The following LIMS1 variants were observed in gnomAD, a reference collection of about 807,000 sequenced individuals.
LIMS1 encodes LIM zinc finger domain containing 1.
LIMS1 carries 18 observed loss-of-function variants against 44.1 expected under a neutral mutation model. The ratio of observed to expected loss-of-function variants is 0.41; its 90% CI spans 0.28 to 0.61. The LOEUF (loss-of-function observed/expected upper bound fraction) is 0.61. Among genes scored for constraint, LIMS1 ranks in the 20% least tolerant of loss-of-function variants. The probability of loss-of-function intolerance (pLI) is 0.32; values close to 1 mark genes in which losing one functional copy is unlikely to be tolerated. For missense variants in LIMS1, 201 were observed against 422.0 expected, an observed-to-expected ratio of 0.48 and a Z score of 4.59; for synonymous variants, 93 against 149.1, an observed-to-expected ratio of 0.62 and a Z score of 2.74.
chr2:108,611,836 A>AAAATATATAT (rs1553459738), intron 1 of LIMS1, among the ~76,000 whole-genome samples: 1 of 130,988 alleles, frequency 7.6e-6, no homozygotes, highest in Non-Finnish European at 1.6e-5. Context: ...CATGATCTAA[A>AAAATATATAT]ATATATATAT....
At chr2:108,674,714 C>A (rs1692398788) in intron 5 of LIMS1, among the ~76,000 whole-genome samples, 1 of 84,648 alleles carries the variant, frequency 1.2e-5, no homozygotes, top group Non-Finnish European at 2.3e-5. Context: ...AAGCAAGACT[C>A]GTCTCAAAAA....
chr2:108,540,880 A>G (rs1208199748), intron 1 of LIMS1, among the ~76,000 whole-genome samples: 1 of 152,196 alleles, frequency 6.6e-6, no homozygotes, highest in Non-Finnish European at 1.5e-5. Flanking sequence ...TACTTTATTC[A>G]CATTGCATTG....
At chr2:108,632,982 G>C (rs561211412) in intron 1 of LIMS1, among the ~76,000 whole-genome samples, 12 of 152,266 alleles carry the variant, frequency 7.9e-5, no homozygotes, top group African/African-American at 2.6e-4. Flanking sequence ...TTGTGCTCAG[G>C]TTAATAAAGT....
chr2:108,574,939 A>G (rs1685614775), intron 1 of LIMS1, among the ~76,000 whole-genome samples: 1 of 152,112 alleles, frequency 6.6e-6, no homozygotes, highest in Non-Finnish European at 1.5e-5. Flanking sequence ...CCTACTTCAG[A>G]TTTTTGGTCA....
intron 1 of LIMS1, among the ~76,000 whole-genome samples, chr2:108,647,231 G>A (rs774635928): frequency 4.6e-5 from 7 of 152,036 alleles, no homozygotes; most frequent in South Asian, 2.1e-4. Flanking sequence ...TGGATAAATC[G>A]CTGGACATGT....
chr2:108,629,323 T>C (rs1446357665), intron 1 of LIMS1, among the ~76,000 whole-genome samples: 1 of 152,222 alleles, frequency 6.6e-6, no homozygotes. Flanking sequence ...GTTTCTTCTC[T>C]ATGAATGAAC....
chr2:108,568,661 T>C (rs968709680), intron 1 of LIMS1, among the ~76,000 whole-genome samples: 5 of 152,204 alleles, frequency 3.3e-5, no homozygotes, highest in African/African-American at 7.2e-5. Context: ...GGTTCCAATT[T>C]CTCCACATCC....
intron 1 of LIMS1, among the ~76,000 whole-genome samples, chr2:108,536,367 G>C (rs1684141868): frequency 6.6e-6 from 1 of 152,186 alleles, no homozygotes; most frequent in South Asian, 2.1e-4. Flanking sequence ...TTTAATTTCT[G>C]TCTATGACTT....
At chr2:108,548,191 G>A (rs1684552484) in intron 1 of LIMS1, among the ~76,000 whole-genome samples, 1 of 152,100 alleles carries the variant, frequency 6.6e-6, no homozygotes, top group Admixed American at 6.5e-5. Flanking sequence ...AGGACACTAG[G>A]TTACCTGGTT....
intron 2 of LIMS1, among the ~76,000 whole-genome samples, chr2:108,666,878 G>A (rs1691797157): frequency 6.6e-6 from 1 of 152,086 alleles, no homozygotes; most frequent in Non-Finnish European, 1.5e-5. Flanking sequence ...AGGTATATAG[G>A]GGAAGGTGGT....
intron 1 of LIMS1, among the ~76,000 whole-genome samples, chr2:108,589,992 TC>T (rs1486993307): frequency 6.6e-6 from 1 of 152,180 alleles, no homozygotes. Context: ...GGGTGGAATT[TC>T]CCCCAGCAGG....
At chr2:108,584,663 C>T (rs138504654) in intron 1 of LIMS1, among the ~76,000 whole-genome samples, 71 of 152,034 alleles carry the variant, frequency 4.7e-4, no homozygotes, top group African/African-American at 1.5e-3. Context: ...GCAGGAGAGT[C>T]GACTAGGAAG....
chr2:108,586,339 A>G (rs1195548170), intron 1 of LIMS1, among the ~76,000 whole-genome samples: 1 of 152,256 alleles, frequency 6.6e-6, no homozygotes, highest in Non-Finnish European at 1.5e-5. Flanking sequence ...TTCGGGGGAA[A>G]GAGCCCAAAA....
chr2:108,607,361 C>A, intron 1 of LIMS1: 2 of 1,036,820 alleles, frequency 1.9e-6, no homozygotes, highest in Non-Finnish European at 2.9e-6. Context: ...ATAAATAGTA[C>A]ATGTGTGCAC....
At chr2:108,585,486 T>C (rs1165973928) in intron 1 of LIMS1, among the ~76,000 whole-genome samples, 2 of 152,114 alleles carry the variant, frequency 1.3e-5, no homozygotes, top group African/African-American at 4.8e-5. Flanking sequence ...GATATCTGTA[T>C]GGAGACATCA....
chr2:108,617,498 A>G (rs952311375), intron 1 of LIMS1, among the ~76,000 whole-genome samples: 3 of 152,328 alleles, frequency 2.0e-5, no homozygotes, highest in African/African-American at 7.2e-5. Context: ...TACATGCAGA[A>G]ATGAAAAAGC....
chr2:108,540,453 C>T (rs1684281569), intron 1 of LIMS1, among the ~76,000 whole-genome samples: 1 of 152,158 alleles, frequency 6.6e-6, no homozygotes, highest in Non-Finnish European at 1.5e-5. Context: ...CCGCCTCGGC[C>T]TCCCAAAGTG....
In LIMS1 at chr2:108,643,353, C is replaced by T. The variant is rs545081453; in HGVS notation, c.33-16252C>T. Among the ~76,000 whole-genome samples the T allele has an allele frequency of 3.9e-5, 6 of 152,242 alleles. No individual in the cohort carries two copies. In the East Asian group the frequency reaches 9.7e-4, roughly 25 times the overall value. ...TGGGTGCAGCCCAAGGAGGATGAGC[C>T]GAAGCAGGGTGGGGCGTTGCCTCAC... On this transcript the variant is annotated intron_variant, in intron 1 of 9. Coordinates refer to ENST00000544547, the Ensembl canonical transcript of LIMS1.
intron 1 of LIMS1, among the ~76,000 whole-genome samples, chr2:108,570,843 A>G (rs574588368): frequency 8.4e-4 from 128 of 152,330 alleles, no homozygotes; most frequent in African/African-American, 3.0e-3. Context: ...AAGGGAGGCC[A>G]AGACCGCTCC....
Sources: allele counts gnomAD v4.1 joint callset (sites outside exome capture counted in the v4.1 genomes callset), GRCh38; gene constraint gnomAD v4.1.1; transcripts MANE v1.5; gene names NCBI Gene and HGNC (gene_info 2026-07-23, HGNC 2026-07-21).